Variants in RMST observed in about 807,000 individuals in gnomAD.
RMST encodes the protein rhabdomyosarcoma 2 associated transcript.
At chr12:97,485,236 G>A (rs1300367159) in intron 5 of RMST, among the ~76,000 whole-genome samples, 1 of 152,110 alleles carries the variant, frequency 6.6e-6, no homozygotes, top group African/African-American at 2.4e-5. Flanking sequence ...CATTTCTCTA[G>A]TAAATTAGCC....
chr12:97,488,980 G>C (rs1023467224), intron 5 of RMST, among the ~76,000 whole-genome samples: 2 of 152,110 alleles, frequency 1.3e-5, no homozygotes, highest in African/African-American at 4.8e-5. Context: ...AAATGGACAA[G>C]CTGAAGATAT....
chr12:97,538,490 A>G (rs1211405563), intron 11 of RMST, among the ~76,000 whole-genome samples: 2 of 151,320 alleles, frequency 1.3e-5, no homozygotes, highest in Non-Finnish European at 3.0e-5. Flanking sequence ...AATCCTGCAC[A>G]TCAGGTAGTG....
intron 11 of RMST, among the ~76,000 whole-genome samples, chr12:97,550,744 T>G (rs891977993): frequency 6.6e-6 from 1 of 152,184 alleles, no homozygotes; most frequent in Non-Finnish European, 1.5e-5. Context: ...CATAGCATCA[T>G]ATTTTGTGGC....
intron 5 of RMST, among the ~76,000 whole-genome samples, chr12:97,487,270 A>T (rs1436118014): frequency 1.3e-5 from 2 of 152,238 alleles, no homozygotes; most frequent in Non-Finnish European, 2.9e-5. Context: ...AAGGATAATG[A>T]GAAATGACAG....
intron 10 of RMST, among the ~76,000 whole-genome samples, chr12:97,505,032 C>G (rs1375298655): frequency 6.6e-6 from 1 of 152,154 alleles, no homozygotes; most frequent in East Asian, 1.9e-4. Context: ...TTTTATTTCA[C>G]TTTGCTAGTC....
chr12:97,479,699 C>T (rs980204408), intron 5 of RMST, among the ~76,000 whole-genome samples: 2 of 152,144 alleles, frequency 1.3e-5, no homozygotes, highest in Admixed American at 6.5e-5. Flanking sequence ...TTCCCTTCTT[C>T]CTCTTCCCCT....
At chr12:97,479,199 GCA>G (rs1874927607) in intron 5 of RMST, among the ~76,000 whole-genome samples, 1 of 133,906 alleles carries the variant, frequency 7.5e-6, no homozygotes, top group South Asian at 2.4e-4. Context: ...GAGTGCAGTG[GCA>G]CAGTCATAGC....
intron 5 of RMST, among the ~76,000 whole-genome samples, chr12:97,487,820 G>C (rs1228876033): frequency 6.6e-6 from 1 of 152,206 alleles, no homozygotes; most frequent in African/African-American, 2.4e-5. Flanking sequence ...CCGGTTGTCT[G>C]TGCCAGTAAT....
intron 10 of RMST, among the ~76,000 whole-genome samples, chr12:97,522,381 A>G (rs1004050297): frequency 6.6e-6 from 1 of 152,180 alleles, no homozygotes; most frequent in Non-Finnish European, 1.5e-5. Flanking sequence ...ATTCTCTTAC[A>G]TTACTCTTCA....
intron 5 of RMST, among the ~76,000 whole-genome samples, chr12:97,469,063 G>T (rs1873553800): frequency 6.6e-6 from 1 of 151,030 alleles, no homozygotes; most frequent in Admixed American, 6.6e-5. Context: ...CTCTTTAAAT[G>T]GCTTAAGATA....
At chr12:97,479,542 G>A (rs1874975635) in intron 5 of RMST, among the ~76,000 whole-genome samples, 1 of 151,964 alleles carries the variant, frequency 6.6e-6, no homozygotes, top group Non-Finnish European at 1.5e-5. Context: ...AAATCCAGTG[G>A]GCTTTTAAAT....
chr12:97,482,651 TTTAA>T, intron 5 of RMST, among the ~76,000 whole-genome samples: 1 of 143,884 alleles, frequency 7.0e-6, no homozygotes, highest in Non-Finnish European at 1.5e-5. Flanking sequence ...TTATTATTTA[TTTAA>T]TAAATTTATT....
intron 5 of RMST, among the ~76,000 whole-genome samples, chr12:97,470,552 G>A (rs974942979): frequency 6.6e-6 from 1 of 151,868 alleles, no homozygotes; most frequent in African/African-American, 2.4e-5. Context: ...ATTTATATTA[G>A]GGTTAGAGAT....
chr12:97,547,169 A>G (rs1592783112), intron 11 of RMST, among the ~76,000 whole-genome samples: 1 of 150,218 alleles, frequency 6.7e-6, no homozygotes, highest in East Asian at 2.0e-4. Flanking sequence ...GTTGCTGCAA[A>G]TGACAGGACT....
chr12:97,527,816 G>T (rs1395563523), intron 10 of RMST, among the ~76,000 whole-genome samples: 1 of 151,756 alleles, frequency 6.6e-6, no homozygotes, highest in Admixed American at 6.6e-5. Context: ...TTCTGTGTTT[G>T]GTTTCTTAGG....
chr12:97,553,298 A>C (rs976302393), intron 11 of RMST, among the ~76,000 whole-genome samples: 4 of 152,202 alleles, frequency 2.6e-5, no homozygotes, highest in Non-Finnish European at 4.4e-5. Context: ...CATTTGGCTT[A>C]ATTGCAGCCC....
intron 11 of RMST, among the ~76,000 whole-genome samples, chr12:97,543,990 G>T (rs1049499552): frequency 6.6e-6 from 1 of 151,982 alleles, no homozygotes; most frequent in Non-Finnish European, 1.5e-5. Context: ...TTTACTCTAA[G>T]AAGTAGGAAT....
intron 10 of RMST, among the ~76,000 whole-genome samples, chr12:97,524,079 A>G (rs202084560): frequency 0.12 from 5,418 of 44,876 alleles, 183 homozygotes; most frequent in Non-Finnish European, 0.21. Flanking sequence ...CTGTCTCAAA[A>G]AAAAAAAAAA....
intron 5 of RMST, among the ~76,000 whole-genome samples, chr12:97,479,622 C>T (rs1277446682): frequency 6.6e-6 from 1 of 152,160 alleles, no homozygotes; most frequent in Non-Finnish European, 1.5e-5. Flanking sequence ...GCCCATTCCC[C>T]TGGCTTCCAC....
Sources: gnomAD v4.1 joint callset for allele counts (sites outside exome capture counted in the v4.1 genomes callset) on GRCh38, gnomAD v4.1.1 for gene constraint, MANE v1.5 for transcripts, NCBI Gene and HGNC (gene_info 2026-07-23, HGNC 2026-07-21) for gene names.